GLRB: variants seen among roughly 807,000 people sequenced by gnomAD.
The protein encoded by GLRB is glycine receptor subunit beta.
Under a neutral mutation model 54.2 loss-of-function variants are expected in GLRB, and 33 were observed. The ratio of observed to expected loss-of-function variants is 0.61; its 90% CI spans 0.46 to 0.81. The LOEUF (loss-of-function observed/expected upper bound fraction) is 0.81, where lower values mean the gene tolerates loss of function less well. Ranked by LOEUF, GLRB falls within the 40% of genes least tolerant of loss-of-function variation. The pLI is 0.00. For missense variants in GLRB, 572 were observed against 584.6 expected, an observed-to-expected ratio of 0.98 and a Z score of 0.22; for synonymous variants, 209 against 208.2, an observed-to-expected ratio of 1.00 and a Z score of -0.03.
intron 9 of GLRB, among the ~76,000 whole-genome samples, chr4:157,169,028 A>G (rs2126635635): frequency 6.6e-6 from 1 of 152,260 alleles, no homozygotes; most frequent in African/African-American, 2.4e-5. Flanking sequence ...GGTAAAGGAT[A>G]GTCTCCTGGT....
chr4:157,101,180 T>G (rs1165978497), intron 2 of GLRB, among the ~76,000 whole-genome samples: 4 of 152,150 alleles, frequency 2.6e-5, no homozygotes, highest in Admixed American at 6.6e-5. Flanking sequence ...ATAGATGATA[T>G]TAATCATTCA....
In GLRB at chr4:157,138,959, A is replaced by T; in HGVS notation, c.751+10A>T. 1 of 1,298,102 alleles carries T rather than the reference A, an allele frequency of 7.7e-7. No homozygotes were observed. The highest frequency in any genetic ancestry group is 1.2e-5 in the South Asian group (1 of 82,796). 80.4% of individuals were successfully genotyped at this position (1,298,102 alleles called of 1,614,324 possible). ...TACTATAAAGGCACGGGTAAGTAAT[A>T]TTCTTTAAATAAAACGAAGTTCTAT... On this transcript the variant is annotated intron_variant, in intron 7 of 9. Coordinates refer to ENST00000264428, the MANE Select transcript of GLRB (RefSeq NM_000824.5).
chr4:157,123,308 A>G (rs1236650181), intron 4 of GLRB, among the ~76,000 whole-genome samples: 1 of 151,700 alleles, frequency 6.6e-6, no homozygotes, highest in African/African-American at 2.4e-5. Context: ...TTTTCCTGAG[A>G]ATATCTCAGA....
At chr4:157,166,850 T>C (rs1737729109) in intron 9 of GLRB, among the ~76,000 whole-genome samples, 1 of 152,124 alleles carries the variant, frequency 6.6e-6, no homozygotes, top group South Asian at 2.1e-4. Context: ...TCTATATCTA[T>C]AGTTTGAATA....
chr4:157,109,053 A>G (rs1231772207), intron 2 of GLRB, among the ~76,000 whole-genome samples: 1 of 152,108 alleles, frequency 6.6e-6, no homozygotes, highest in Non-Finnish European at 1.5e-5. Flanking sequence ...TTAATACATA[A>G]TGCTATTATA....
intron 1 of GLRB, 74 bp downstream of exon 1, chr4:157,076,371 A>AGAC (rs1734029601): frequency 6.6e-6 from 1 of 151,794 alleles, no homozygotes. Context: ...GGACGGGAAT[A>AGAC]GACGCCTTTG....
At chr4:157,135,684 T>C (rs1245839389) in intron 4 of GLRB, among the ~76,000 whole-genome samples, 4 of 152,168 alleles carry the variant, frequency 2.6e-5, no homozygotes, top group Non-Finnish European at 4.4e-5. Flanking sequence ...TATGTCTTTA[T>C]TGGCAGCGTG....
chr4:157,145,428 A>G (rs997171484), intron 8 of GLRB, among the ~76,000 whole-genome samples: 2 of 152,216 alleles, frequency 1.3e-5, no homozygotes, highest in African/African-American at 4.8e-5. Context: ...AGTATTAAGA[A>G]AATGAGTGAA....
chr4:157,161,420 T>G (rs893645906), intron 9 of GLRB, among the ~76,000 whole-genome samples: 1 of 152,250 alleles, frequency 6.6e-6, no homozygotes, highest in Non-Finnish European at 1.5e-5. Flanking sequence ...AGTTTCTTCC[T>G]GGCATTGATG....
chr4:157,119,775 C>T (rs1735737291), intron 2 of GLRB, among the ~76,000 whole-genome samples: 2 of 151,688 alleles, frequency 1.3e-5, no homozygotes, highest in East Asian at 3.9e-4. Context: ...AACACTTTTA[C>T]ACTGTTGGGG....
At chr4:157,140,116 A>C (rs1350987656) in intron 7 of GLRB, among the ~76,000 whole-genome samples, 2 of 151,992 alleles carry the variant, frequency 1.3e-5, no homozygotes, top group East Asian at 3.9e-4. Flanking sequence ...TCCTTCTTAA[A>C]GCTTATAGTA....
chr4:157,085,515 G>A (rs1579183081), intron 2 of GLRB, among the ~76,000 whole-genome samples: 1 of 151,504 alleles, frequency 6.6e-6, no homozygotes, highest in Admixed American at 6.6e-5. Flanking sequence ...CTTTTTTTTG[G>A]AGATGGAATC....
At position 157,167,448 on chromosome 4, in the gene GLRB, G is replaced by C. The variant is rs550388003; in HGVS notation, c.1198-2984G>C. ...TTCTGTCTGTAACAATAATAGGGCA[G>C]ATGTGAGTGTGCAAGTCTGTGTGTG... is the stretch of plus-strand genomic sequence containing the variant. On this transcript the variant is annotated intron_variant, in intron 9 of 9. Coordinates refer to ENST00000264428, the MANE Select transcript of GLRB (RefSeq NM_000824.5). Among the ~76,000 whole-genome samples the C allele has an allele frequency of 2.6e-5, 4 of 152,348 alleles. 1 individual carries two copies. In the South Asian group the frequency reaches 8.3e-4, roughly 32 times the overall value.
At chr4:157,108,279 A>G (rs1382160708) in intron 2 of GLRB, among the ~76,000 whole-genome samples, 2 of 152,134 alleles carry the variant, frequency 1.3e-5, no homozygotes, top group Non-Finnish European at 2.9e-5. Context: ...TACTAAGGCT[A>G]TATCTATCAT....
At chr4:157,144,570 G>A (rs544448864) in intron 8 of GLRB, among the ~76,000 whole-genome samples, 17 of 152,252 alleles carry the variant, frequency 1.1e-4, no homozygotes, top group South Asian at 4.1e-4. Context: ...ATAAGCAAGC[G>A]CCCTTCCTAT....
intron 2 of GLRB, among the ~76,000 whole-genome samples, chr4:157,104,793 G>A (rs1391023683): frequency 2.0e-5 from 3 of 151,948 alleles, no homozygotes; most frequent in African/African-American, 7.2e-5. Context: ...TGGATTGTAT[G>A]TGCCAAGGAT....
chr4:157,152,612 A>C, intron 8 of GLRB, 106 bp from the exon 9 acceptor site: 3 of 867,584 alleles, frequency 3.5e-6, no homozygotes, highest in Non-Finnish European at 6.0e-6. Flanking sequence ...CAAATTGTTC[A>C]TGGGTCATTG....
At chr4:157,161,144 T>C (rs184500743) in intron 9 of GLRB, among the ~76,000 whole-genome samples, 1 of 152,148 alleles carries the variant, frequency 6.6e-6, no homozygotes, top group Non-Finnish European at 1.5e-5. Context: ...TCAGAGACTA[T>C]GATTGCAACT....
chr4:157,142,287 A>G (rs1736646575), intron 7 of GLRB, among the ~76,000 whole-genome samples: 1 of 152,106 alleles, frequency 6.6e-6, no homozygotes. Context: ...CCTGTGAATG[A>G]CTTGATATAT....
Sources: allele counts gnomAD v4.1 joint callset (sites outside exome capture counted in the v4.1 genomes callset), GRCh38; gene constraint gnomAD v4.1.1; transcripts MANE v1.5; gene names NCBI Gene and HGNC (gene_info 2026-07-23, HGNC 2026-07-21).